ZNF804A: variants seen among roughly 807,000 people sequenced by gnomAD.
ZNF804A encodes zinc finger protein 804A.
In ZNF804A, 2 loss-of-function variants were observed where a neutral mutation model predicts 16.5. The ratio of observed to expected loss-of-function variants is 0.12; its 90% CI spans 0.05 to 0.38. The LOEUF (loss-of-function observed/expected upper bound fraction) is 0.38. Among genes scored for constraint, ZNF804A ranks in the 10% least tolerant of loss-of-function variants. The pLI, the probability that ZNF804A is intolerant of heterozygous loss-of-function variation, is 0.99. For synonymous variants in ZNF804A, 534 were observed against 489.6 expected (o/e 1.09, Z -1.20); for missense variants, 1,473 against 1,390.7 (o/e 1.06, Z -0.94).
intron 1 of ZNF804A, among the ~76,000 whole-genome samples, chr2:184,800,882 AAT>A: frequency 6.6e-6 from 1 of 152,194 alleles, no homozygotes; most frequent in Non-Finnish European, 1.5e-5. Context: ...AGAGAAAGAA[AAT>A]ATATCTTTTA....
At chr2:184,919,416 A>G (rs904286676) in intron 2 of ZNF804A, among the ~76,000 whole-genome samples, 1 of 152,166 alleles carries the variant, frequency 6.6e-6, no homozygotes, top group Non-Finnish European at 1.5e-5. Context: ...TGCTGAGCCC[A>G]TGTATGACCC....
chr2:184,626,181 A>G (rs1056786801), intron 1 of ZNF804A, among the ~76,000 whole-genome samples: 4 of 152,006 alleles, frequency 2.6e-5, no homozygotes, highest in Non-Finnish European at 5.9e-5. Context: ...ATTTCTTAAT[A>G]TATAATACTT....
chr2:184,630,338 T>C (rs959187696), intron 1 of ZNF804A, among the ~76,000 whole-genome samples: 1 of 152,154 alleles, frequency 6.6e-6, no homozygotes, highest in Non-Finnish European at 1.5e-5. Context: ...TATTAAGTCA[T>C]AGCCAGGATG....
intron 1 of ZNF804A, among the ~76,000 whole-genome samples, chr2:184,707,909 T>G (rs1361644828): frequency 1.3e-5 from 2 of 152,144 alleles, no homozygotes; most frequent in Non-Finnish European, 2.9e-5. Context: ...CTACCTACAG[T>G]GTATAAGCAT....
At chr2:184,875,301 G>C (rs1222434872) in intron 2 of ZNF804A, among the ~76,000 whole-genome samples, 1 of 152,182 alleles carries the variant, frequency 6.6e-6, no homozygotes. Context: ...GAAGTGCTTG[G>C]ATCTCTGGGC....
chr2:184,658,805 G>A (rs1692122103), intron 1 of ZNF804A, among the ~76,000 whole-genome samples: 2 of 152,178 alleles, frequency 1.3e-5, no homozygotes, highest in Admixed American at 1.3e-4. Flanking sequence ...TATGTTTCAG[G>A]CAAATGTTTT....
chr2:184,931,282 C>T (rs1685696498), intron 2 of ZNF804A, among the ~76,000 whole-genome samples: 1 of 152,256 alleles, frequency 6.6e-6, no homozygotes, highest in Non-Finnish European at 1.5e-5. Flanking sequence ...GGATCCCACT[C>T]ACATTTCCCT....
intron 1 of ZNF804A, among the ~76,000 whole-genome samples, chr2:184,603,354 C>T (rs956793837): frequency 6.6e-6 from 1 of 152,134 alleles, no homozygotes; most frequent in Non-Finnish European, 1.5e-5. Context: ...TCACTCAGGA[C>T]GTTGTCATGT....
chr2:184,673,982 G>A (rs1044593053), intron 1 of ZNF804A, among the ~76,000 whole-genome samples: 6 of 151,956 alleles, frequency 3.9e-5, no homozygotes, highest in South Asian at 2.1e-4. Flanking sequence ...TATCTCACCC[G>A]CTAGTGAAAT....
At chr2:184,792,079 A>G (rs1406894291) in intron 1 of ZNF804A, among the ~76,000 whole-genome samples, 1 of 152,174 alleles carries the variant, frequency 6.6e-6, no homozygotes, top group African/African-American at 2.4e-5. Context: ...CTACTGAAGG[A>G]TATACTTCCA....
At chr2:184,781,919 G>A (rs534085009) in intron 1 of ZNF804A, among the ~76,000 whole-genome samples, 1 of 151,948 alleles carries the variant, frequency 6.6e-6, no homozygotes, top group African/African-American at 2.4e-5. Flanking sequence ...AAAAGACTGA[G>A]ATCAAAGTGT....
intron 1 of ZNF804A, 86 bp from the exon 2 acceptor site, chr2:184,866,279 CTAAT>C (rs1695875482): frequency 8.4e-7 from 1 of 1,192,308 alleles, no homozygotes; most frequent in Admixed American, 2.4e-5. Context: ...GTTTCTAACT[CTAAT>C]TATTGTACTA....
chr2:184,767,419 T>C (rs983005399), intron 1 of ZNF804A, among the ~76,000 whole-genome samples: 14 of 151,938 alleles, frequency 9.2e-5, no homozygotes, highest in Non-Finnish European at 1.9e-4. Context: ...ACACAGAAAG[T>C]AGAATGAGTT....
chr2:184,782,584 C>G (rs1261454058), intron 1 of ZNF804A, among the ~76,000 whole-genome samples: 1 of 151,012 alleles, frequency 6.6e-6, no homozygotes, highest in Non-Finnish European at 1.5e-5. Context: ...AACTGGTTTC[C>G]CTTGCTCTTC....
chr2:184,873,119 G>A (rs1695999662), intron 2 of ZNF804A, among the ~76,000 whole-genome samples: 1 of 152,090 alleles, frequency 6.6e-6, no homozygotes, highest in Non-Finnish European at 1.5e-5. Flanking sequence ...AATTAAAGAG[G>A]TTAAAATGGA....
chr2:184,724,440 T>G (rs2105744118), intron 1 of ZNF804A, among the ~76,000 whole-genome samples: 1 of 149,090 alleles, frequency 6.7e-6, no homozygotes, highest in African/African-American at 2.5e-5. Context: ...GTGATATGAT[T>G]ATCTAAAAAT....
chr2:184,871,590 T>C lies in ZNF804A; in HGVS notation c.255+5078T>C, dbSNP rs995403130. Among the ~76,000 whole-genome samples the C allele has an allele frequency of 2.6e-5, 4 of 151,890 alleles. No homozygotes were observed. In the South Asian group the frequency reaches 8.3e-4, roughly 32 times the overall value. On this transcript the variant is annotated intron_variant, in intron 2 of 3. Coordinates refer to ENST00000302277, the MANE Select transcript of ZNF804A (RefSeq NM_194250.2). ...TTACTTGGGTATTGGATTCATTAAA[T>C]ACAGAATACAATATATATGTATGAA...
intron 1 of ZNF804A, among the ~76,000 whole-genome samples, chr2:184,614,299 A>G (rs896301437): frequency 2.6e-5 from 4 of 152,234 alleles, no homozygotes; most frequent in Non-Finnish European, 5.9e-5. Context: ...TAGATTAAAG[A>G]TTTAAACATA....
chr2:184,811,318 C>T (rs199931767), intron 1 of ZNF804A, among the ~76,000 whole-genome samples: 54 of 152,262 alleles, frequency 3.5e-4, no homozygotes, highest in African/African-American at 1.3e-3. Flanking sequence ...TAGTAATTTA[C>T]TTTCTAAGTT....
Sources: allele counts gnomAD v4.1 joint callset (sites outside exome capture counted in the v4.1 genomes callset), GRCh38; gene constraint gnomAD v4.1.1; transcripts MANE v1.5; gene names NCBI Gene and HGNC (gene_info 2026-07-23, HGNC 2026-07-21).